TNIP3: variants seen among roughly 807,000 people sequenced by gnomAD.
TNIP3 encodes TNFAIP3 interacting protein 3.
A neutral mutation model predicts 54.1 loss-of-function variants in TNIP3; 34 were observed. The observed-to-expected ratio is 0.63, with a 90% confidence interval of 0.48 to 0.84. The LOEUF is 0.84. Among genes scored for constraint, TNIP3 ranks in the 40% least tolerant of loss-of-function variants. The probability of loss-of-function intolerance (pLI) is 0.00; values close to 1 mark genes in which losing one functional copy is unlikely to be tolerated. For synonymous variants in TNIP3, 134 were observed against 136.8 expected (o/e 0.98, Z 0.14); for missense variants, 366 against 387.6 (o/e 0.94, Z 0.47).
chr4:121,191,675 A>G (rs890611227), intron 2 of TNIP3, among the ~76,000 whole-genome samples: 2 of 152,240 alleles, frequency 1.3e-5, no homozygotes, highest in African/African-American at 4.8e-5. Context: ...ATATGAGAAG[A>G]CTAAATTTTG....
intron 4 of TNIP3, 22 bp from the exon 5 acceptor site, chr4:121,154,701 GA>G (rs747727353): frequency 6.3e-7 from 1 of 1,582,610 alleles, no homozygotes; most frequent in African/African-American, 1.4e-5. Flanking sequence ...ACCAAGAAAA[GA>G]AAATAAAAGT....
chr4:121,182,948 G>A (rs752273813), intron 2 of TNIP3, among the ~76,000 whole-genome samples: 2 of 152,160 alleles, frequency 1.3e-5, no homozygotes, highest in Non-Finnish European at 2.9e-5. Context: ...GTTTTCATTA[G>A]TCCATGCCAT....
At chr4:121,203,426 C>T (rs934340135) in intron 2 of TNIP3, among the ~76,000 whole-genome samples, 2 of 152,050 alleles carry the variant, frequency 1.3e-5, no homozygotes, top group Admixed American at 1.3e-4. Flanking sequence ...TATGAGAACT[C>T]AAATGCATGA....
chr4:121,154,706 T>G (rs75171177), intron 4 of TNIP3, 27 bp from the exon 5 acceptor site: 39,289 of 1,576,226 alleles, frequency 0.025, 615 homozygotes, highest in Admixed American at 0.045. Flanking sequence ...GAAAAGAAAA[T>G]AAAAGTCAGT....
chr4:121,147,106 C>T lies in TNIP3; in HGVS notation c.678G>A (p.Glu226=), dbSNP rs1729477428. The change falls in exon 7 of 11, where the codon GAG becomes GAA. Residue 226 remains glutamate, a synonymous_variant. Coordinates refer to ENST00000057513, the MANE Select transcript of TNIP3 (RefSeq NM_024873.6). ...SDRERLNQEK[E]ELQQINETSQ... ...AAGTTTCATTAATTTGCTGTAGCTC[C>T]TCTTTCTCTTGATTAAGTCTCTCTC... 6.2e-7 allele frequency: 1 copy of T among 1,613,054 alleles called. No individual in the cohort carries two copies.
At chr4:121,149,561 T>C (rs1021762733) in intron 6 of TNIP3, among the ~76,000 whole-genome samples, 4 of 152,176 alleles carry the variant, frequency 2.6e-5, no homozygotes, top group African/African-American at 9.7e-5. Context: ...GGTCAGAAGT[T>C]TGAGACCAGC....
At chr4:121,149,335 G>C (rs761057926) in intron 6 of TNIP3, among the ~76,000 whole-genome samples, 4 of 152,194 alleles carry the variant, frequency 2.6e-5, no homozygotes, top group Non-Finnish European at 4.4e-5. Flanking sequence ...TGGTTTCAGT[G>C]ATTATAATAA....
At chr4:121,155,784 A>C (rs1730048281) in intron 4 of TNIP3, among the ~76,000 whole-genome samples, 1 of 152,264 alleles carries the variant, frequency 6.6e-6, no homozygotes, top group Non-Finnish European at 1.5e-5. Context: ...ATGCAAAAAT[A>C]GCTAATATAT....
upstream of TNIP3, among the ~76,000 whole-genome samples, chr4:121,221,515 A>T (rs1727024095): frequency 6.6e-6 from 1 of 152,228 alleles, no homozygotes; most frequent in Non-Finnish European, 1.5e-5. Context: ...TGATAATGAT[A>T]TTCAAAAAAA....
intron 2 of TNIP3, among the ~76,000 whole-genome samples, chr4:121,203,090 G>A (rs948475600): frequency 3.3e-5 from 5 of 152,098 alleles, no homozygotes; most frequent in Non-Finnish European, 5.9e-5. Flanking sequence ...CTACCCAGAG[G>A]AAAGGAAGTC....
intron 1 of TNIP3, among the ~76,000 whole-genome samples, chr4:121,221,953 A>C (rs543836455): frequency 1.3e-5 from 2 of 152,306 alleles, no homozygotes; most frequent in East Asian, 3.9e-4. Context: ...TGAATCTAAA[A>C]AAGTTCCTGA....
At position 121,147,030 on chromosome 4, in the gene TNIP3, A is replaced by G; in HGVS notation, c.735+19T>C. 6.3e-7 allele frequency: 1 copy of G among 1,595,680 alleles called. No individual in the cohort carries two copies. Among genetic ancestry groups the G allele is most frequent in the Non-Finnish European group, 8.5e-7 (1 of 1,173,894 alleles). ...ATATACATACATGCTGGCAAAGATT[A>G]TTTTGTTTTGACTTGTACCTGGGAA... On this transcript the variant is annotated intron_variant, in intron 7 of 10. Transcript: ENST00000057513.
chr4:121,166,799 CCTT>C (rs143600728), upstream of TNIP3, among the ~76,000 whole-genome samples: 6,678 of 152,114 alleles, frequency 0.044, 477 homozygotes, highest in African/African-American at 0.15. Context: ...AGCTGAAAAA[CCTT>C]CTTTGTTTCC....
intron 2 of TNIP3, 143 bp from the exon 3 acceptor site, chr4:121,158,895 T>G (rs1730273917): frequency 1.2e-5 from 8 of 660,106 alleles, no homozygotes; most frequent in Non-Finnish European, 2.6e-6. Context: ...GTTCTGATTG[T>G]GCTGGGATGA....
intron 2 of TNIP3, among the ~76,000 whole-genome samples, chr4:121,214,873 G>A (rs1726696491): frequency 6.6e-6 from 1 of 152,162 alleles, no homozygotes; most frequent in Non-Finnish European, 1.5e-5. Flanking sequence ...CAGTCTTTGA[G>A]GGGAGTATTC....
At chr4:121,178,579 G>T (rs1724496298) in intron 3 of TNIP3, among the ~76,000 whole-genome samples, 1 of 152,180 alleles carries the variant, frequency 6.6e-6, no homozygotes, top group Admixed American at 6.5e-5. Flanking sequence ...AGGACAGTTT[G>T]AGCACCTGAA....
At chr4:121,186,282 G>A (rs1725014513) in intron 2 of TNIP3, among the ~76,000 whole-genome samples, 1 of 152,158 alleles carries the variant, frequency 6.6e-6, no homozygotes, top group South Asian at 2.1e-4. Flanking sequence ...GACCGCTGTG[G>A]GAGGGATACG....
At position 121,147,083 on chromosome 4, in the gene TNIP3, G is replaced by A. The variant is rs1323671010; in HGVS notation, c.701C>T (p.Thr234Ile). The change falls in exon 7 of 11, where the codon ACT (threonine) becomes ATT (isoleucine). Residue 234 changes from threonine (T) to isoleucine (I), a missense_variant. Transcript: ENST00000057513. ...EKEELQQINE[T>I]SQSQLNRLNS... ...CAGCCTGTTCAACTGGGATTGGGAA[G>A]TTTCATTAATTTGCTGTAGCTCCTC... 10 of 1,612,900 alleles carry A rather than the reference G, an allele frequency of 6.2e-6. No individual in the cohort carries two copies. The highest frequency in any genetic ancestry group is 5.5e-5 in the South Asian group (5 of 90,942).
intron 3 of TNIP3, among the ~76,000 whole-genome samples, chr4:121,176,520 G>GATGATA (rs1349851690): frequency 7.7e-5 from 10 of 130,260 alleles, no homozygotes; most frequent in Non-Finnish European, 1.4e-4. Context: ...GCATTATGAT[G>GATGATA]ATGATGATGA....
Sources: gnomAD v4.1 joint callset for allele counts (sites outside exome capture counted in the v4.1 genomes callset) on GRCh38, gnomAD v4.1.1 for gene constraint, MANE v1.5 for transcripts, NCBI Gene and HGNC (gene_info 2026-07-23, HGNC 2026-07-21) for gene names.